CSNK1G1: variants seen among roughly 807,000 people sequenced by gnomAD.
CSNK1G1 encodes the protein casein kinase 1 gamma 1.
CSNK1G1 carries 22 observed loss-of-function variants against 59.6 expected under a neutral mutation model. The ratio of observed to expected loss-of-function variants is 0.37; its 90% confidence interval spans 0.26 to 0.53. CSNK1G1 has a LOEUF of 0.53. CSNK1G1 is among the 20% of genes least tolerant of loss of function. The probability of loss-of-function intolerance (pLI) is 0.89; values close to 1 mark genes in which losing one functional copy is unlikely to be tolerated. For synonymous variants in CSNK1G1, 179 were observed against 177.1 expected, an observed-to-expected ratio of 1.01 and a Z score of -0.08; for missense variants, 384 against 519.5, an observed-to-expected ratio of 0.74 and a Z score of 2.54.
chr15:64,226,988 A>C (rs1476606762), intron 4 of CSNK1G1, among the ~76,000 whole-genome samples: 1 of 152,244 alleles, frequency 6.6e-6, no homozygotes, highest in Non-Finnish European at 1.5e-5. Context: ...ATTTGAAGAC[A>C]GCAACTACTG....
chr15:64,199,225 T>C (rs2082075235), intron 10 of CSNK1G1, among the ~76,000 whole-genome samples: 2 of 120,254 alleles, frequency 1.7e-5, no homozygotes, highest in Non-Finnish European at 3.2e-5. Flanking sequence ...TGCTCCAGCC[T>C]GGGCAACAGA....
chr15:64,323,695 A>G (rs993697227), intron 1 of CSNK1G1, among the ~76,000 whole-genome samples: 1 of 152,040 alleles, frequency 6.6e-6, no homozygotes, highest in Admixed American at 6.6e-5. Flanking sequence ...ACATATAAAC[A>G]ATTTCACCCA....
At chr15:64,342,809 A>C (rs1897744189) in intron 1 of CSNK1G1, 1 of 152,228 alleles carries the variant, frequency 6.6e-6, no homozygotes, top group Non-Finnish European at 1.5e-5. Flanking sequence ...CTCTCTTAAC[A>C]GCAGTTCCCA....
rs78161001 is a variant in CSNK1G1, at chr15:64,285,861, G to GA, written c.181+14457dup. 9.1e-3 allele frequency among the ~76,000 whole-genome samples: 1,290 copies of GA among 141,112 alleles called. 19 individuals are homozygous for GA. The highest frequency in any genetic ancestry group is 0.029 in the African/African-American group (1,138 of 38,920). 92.6% of individuals were successfully genotyped at this position (141,112 alleles called of 152,430 possible). On this transcript the variant is annotated intron_variant, in intron 2 of 11. Coordinates refer to ENST00000303052, the MANE Select transcript of CSNK1G1 (RefSeq NM_022048.5). ...GTTAATTTATCTTCTCCAAGAAGGGGAAAAAAAAAAAACGATGACTTGTAA... is the reference window on the plus strand; with the variant it reads ...GTTAATTTATCTTCTCCAAGAAGGGGAAAAAAAAAAAAACGATGACTTGTAA...
chr15:64,312,902 T>C (rs531172207), intron 1 of CSNK1G1, among the ~76,000 whole-genome samples: 44 of 152,114 alleles, frequency 2.9e-4, no homozygotes, highest in African/African-American at 9.6e-4. Context: ...CTTAAACAAA[T>C]TTACAAGAAA....
At chr15:64,308,803 A>G (rs1895831690) in intron 1 of CSNK1G1, among the ~76,000 whole-genome samples, 1 of 151,990 alleles carries the variant, frequency 6.6e-6, no homozygotes, top group Non-Finnish European at 1.5e-5. Flanking sequence ...AAGCTGAGGC[A>G]GGAAAATGGC....
At chr15:64,297,042 C>T (rs919746277) in intron 2 of CSNK1G1, among the ~76,000 whole-genome samples, 2 of 148,788 alleles carry the variant, frequency 1.3e-5, no homozygotes, top group Non-Finnish European at 3.0e-5. Flanking sequence ...CTTTATTTTC[C>T]CCCCTCTTCC....
At chr15:64,320,022 A>G (rs1896476735) in intron 1 of CSNK1G1, among the ~76,000 whole-genome samples, 1 of 142,632 alleles carries the variant, frequency 7.0e-6, no homozygotes, top group Non-Finnish European at 1.5e-5. Flanking sequence ...CTCCCACCTC[A>G]GCCTCCTGAG....
chr15:64,260,837 A>G (rs867842821), intron 2 of CSNK1G1, among the ~76,000 whole-genome samples: 1 of 152,214 alleles, frequency 6.6e-6, no homozygotes, highest in Non-Finnish European at 1.5e-5. Context: ...CTACATCATT[A>G]AACTTTTCAT....
chr15:64,235,264 G>C (rs1399534542), intron 4 of CSNK1G1, among the ~76,000 whole-genome samples: 1 of 152,170 alleles, frequency 6.6e-6, no homozygotes, highest in Non-Finnish European at 1.5e-5. Context: ...AATTTAAATA[G>C]ATGCTGTTAT....
intron 3 of CSNK1G1, among the ~76,000 whole-genome samples, chr15:64,253,864 G>T (rs1892221238): frequency 6.6e-6 from 1 of 152,156 alleles, no homozygotes; most frequent in African/African-American, 2.4e-5. Flanking sequence ...CAGTAGCCAG[G>T]CGCGGTGGCT....
chr15:64,333,706 C>G (rs993138949), intron 1 of CSNK1G1, among the ~76,000 whole-genome samples: 2 of 152,040 alleles, frequency 1.3e-5, no homozygotes, highest in African/African-American at 2.4e-5. Context: ...CACCTAACAC[C>G]TAAGGATTCC....
intron 4 of CSNK1G1, among the ~76,000 whole-genome samples, chr15:64,247,753 T>C (rs1307087273): frequency 6.6e-6 from 1 of 152,166 alleles, no homozygotes; most frequent in Non-Finnish European, 1.5e-5. Context: ...AAGGTAATGA[T>C]TAAGAGTTGG....
intron 11 of CSNK1G1, among the ~76,000 whole-genome samples, chr15:64,179,383 G>A (rs2081781422): frequency 6.6e-6 from 1 of 152,202 alleles, no homozygotes; most frequent in African/African-American, 2.4e-5. Flanking sequence ...AGGTATAAGA[G>A]TGTTCTGGCT....
At chr15:64,352,451 T>C (rs1426960169) in intron 1 of CSNK1G1, among the ~76,000 whole-genome samples, 1 of 128,598 alleles carries the variant, frequency 7.8e-6, no homozygotes, top group Non-Finnish European at 1.7e-5. Context: ...ATTCTTCTTT[T>C]TTTTTTTTTT....
intron 6 of CSNK1G1, among the ~76,000 whole-genome samples, chr15:64,211,695 C>G (rs138432668): frequency 2.3e-4 from 35 of 152,292 alleles, no homozygotes; most frequent in South Asian, 4.1e-4. Flanking sequence ...TTATCATACC[C>G]ATTTTATACA....
intron 4 of CSNK1G1, among the ~76,000 whole-genome samples, chr15:64,249,000 G>A (rs1005197385): frequency 5.3e-5 from 8 of 152,206 alleles, no homozygotes; most frequent in African/African-American, 1.9e-4. Context: ...GCGGGCGCCT[G>A]TAGGCCCAGC....
intron 1 of CSNK1G1, among the ~76,000 whole-genome samples, chr15:64,311,489 C>T (rs561826381): frequency 1.3e-5 from 2 of 152,124 alleles, no homozygotes; most frequent in South Asian, 4.1e-4. Flanking sequence ...CTAGTTAAAT[C>T]AACAAATATT....
chr15:64,226,280 C>G (rs1402036731), intron 4 of CSNK1G1, among the ~76,000 whole-genome samples: 1 of 152,134 alleles, frequency 6.6e-6, no homozygotes, highest in Non-Finnish European at 1.5e-5. Context: ...ACTAACTCGG[C>G]TGGGTGTGGT....
Sources: allele counts gnomAD v4.1 joint callset (sites outside exome capture counted in the v4.1 genomes callset), GRCh38; gene constraint gnomAD v4.1.1; transcripts MANE v1.5; gene names NCBI Gene and HGNC (gene_info 2026-07-23, HGNC 2026-07-21).